ROR1: variants seen among roughly 807,000 people sequenced by gnomAD.
ROR1 encodes ROR family WNT receptor 1.
In ROR1, 19 loss-of-function variants were observed where a neutral mutation model predicts 78.8. The observed-to-expected ratio is 0.24, with a 90% confidence interval of 0.17 to 0.35. ROR1 has a LOEUF of 0.35. Ranked by LOEUF, ROR1 falls within the 10% of genes least tolerant of loss-of-function variation. ROR1 has a pLI of 1.00. For synonymous variants in ROR1, 386 were observed against 433.6 expected (o/e 0.89, Z 1.36); for missense variants, 917 against 1,177.8 (o/e 0.78, Z 3.24).
chr1:63,932,252 A>G (rs1173484526), intron 1 of ROR1, among the ~76,000 whole-genome samples: 2 of 152,116 alleles, frequency 1.3e-5, no homozygotes, highest in African/African-American at 4.8e-5. Context: ...TGCAGGGGTG[A>G]TAGATAGGAT....
intron 4 of ROR1, among the ~76,000 whole-genome samples, chr1:64,093,057 G>A (rs1569731854): frequency 6.6e-6 from 1 of 152,126 alleles, no homozygotes; most frequent in Admixed American, 6.5e-5. Context: ...TGTTGAAGCC[G>A]GGAAACCCTA....
At chr1:64,038,992 G>A (rs1299886388) in intron 2 of ROR1, among the ~76,000 whole-genome samples, 1 of 152,156 alleles carries the variant, frequency 6.6e-6, no homozygotes, top group Non-Finnish European at 1.5e-5. Context: ...TTCTTGAAAA[G>A]CAGTAGAGCA....
intron 1 of ROR1, among the ~76,000 whole-genome samples, chr1:63,980,981 A>G (rs1035166134): frequency 7.9e-5 from 12 of 151,598 alleles, no homozygotes; most frequent in African/African-American, 2.9e-4. Context: ...TGCAAGGAGC[A>G]CAGATAAGAC....
At chr1:64,140,910 C>G (rs2100711003) in intron 6 of ROR1, among the ~76,000 whole-genome samples, 1 of 152,160 alleles carries the variant, frequency 6.6e-6, no homozygotes, top group South Asian at 2.1e-4. Flanking sequence ...CCTGGATGAA[C>G]CTGGAAAACA....
chr1:64,034,922 C>G (rs1646689816), intron 2 of ROR1, among the ~76,000 whole-genome samples: 1 of 132,556 alleles, frequency 7.5e-6, no homozygotes. Context: ...AGGTAGATAC[C>G]TACCTTTCCA....
chr1:63,952,432 T>C (rs1645947839), intron 1 of ROR1, among the ~76,000 whole-genome samples: 1 of 152,084 alleles, frequency 6.6e-6, no homozygotes, highest in African/African-American at 2.4e-5. Context: ...GGAGAGAGCA[T>C]GGGACATCAG....
intron 1 of ROR1, among the ~76,000 whole-genome samples, chr1:63,841,404 T>A (rs1210829317): frequency 6.6e-6 from 1 of 152,232 alleles, no homozygotes; most frequent in East Asian, 1.9e-4. Context: ...TTTTTTGTTA[T>A]GTTGAATGAA....
chr1:64,178,399 T>A lies in ROR1; in HGVS notation c.2358T>A (p.Tyr786Ter). 6.2e-7 allele frequency: 1 copy of A among 1,614,086 alleles called. No homozygotes were observed. Among genetic ancestry groups the A allele is most frequent in the African/African-American group, 1.3e-5 (1 of 75,002 alleles). The change falls in exon 9 of 9, where the codon TAT (tyrosine) becomes TAA (stop). Residue 786 changes from tyrosine (Y) to a stop codon, truncating the protein, a stop_gained. Coordinates refer to ENST00000371079, the MANE Select transcript of ROR1 (RefSeq NM_005012.4). LOFTEE classifies it high-confidence loss of function. The surrounding 1 kb of genome is among the most constrained non-coding windows in gnomAD (Gnocchi z 4.3). ...TGAGTAATCTCAGTAACCCCAGATA[T>A]CCTAATTACATGTTCCCGAGCCAGG... ...SPVSNLSNPRYPNYMFPSQGI... is the reference protein window; with the variant it reads ...SPVSNLSNPR
chr1:63,925,162 C>G (rs1482775194), intron 1 of ROR1, among the ~76,000 whole-genome samples: 2 of 145,914 alleles, frequency 1.4e-5, no homozygotes, highest in Non-Finnish European at 3.0e-5. Flanking sequence ...ATCCCTCCCC[C>G]TTCCCCCCAC....
intron 1 of ROR1, among the ~76,000 whole-genome samples, chr1:63,963,217 G>A (rs1234793792): frequency 6.6e-6 from 1 of 152,106 alleles, no homozygotes; most frequent in Non-Finnish European, 1.5e-5. Context: ...AACTTAATGT[G>A]CCATATGTGA....
At chr1:63,855,979 TCA>T (rs1196537339) in intron 1 of ROR1, among the ~76,000 whole-genome samples, 1 of 152,120 alleles carries the variant, frequency 6.6e-6, no homozygotes, top group Non-Finnish European at 1.5e-5. Flanking sequence ...TTTCATATCT[TCA>T]GTGTCTCCAC....
At chr1:63,817,791 C>T (rs1021117786) in intron 1 of ROR1, among the ~76,000 whole-genome samples, 1 of 152,138 alleles carries the variant, frequency 6.6e-6, no homozygotes, top group Non-Finnish European at 1.5e-5. Context: ...GCTCTAGACT[C>T]TGGGAGAGTT....
intron 1 of ROR1, among the ~76,000 whole-genome samples, chr1:63,965,242 C>T (rs898414835): frequency 2.6e-5 from 4 of 152,106 alleles, no homozygotes; most frequent in African/African-American, 9.7e-5. Flanking sequence ...GACTCCAAAG[C>T]TCCACACTAA....
In ROR1 at chr1:63,774,368, C is replaced by G. The variant is rs1287329423; in HGVS notation, c.-50C>G. 4.1e-6 allele frequency: 5 copies of G among 1,205,680 alleles called. No individual in the cohort carries two copies. 74.7% of individuals were successfully genotyped at this position (1,205,680 alleles called of 1,614,324 possible). Reference sequence around the variant, plus strand: ...AGCCCGGGAAGAGCCCGTGGATGTTCTGCGCGCGGCCTGGGAGCCGCCGCC... The same window carrying G: ...AGCCCGGGAAGAGCCCGTGGATGTTGTGCGCGCGGCCTGGGAGCCGCCGCC... On this transcript the variant is annotated 5_prime_UTR_variant, in exon 1 of 9. Transcript: ENST00000371079. This position sits in a 1 kb window ranked among gnomAD's most constrained non-coding sequence, Gnocchi z 5.7.
intron 4 of ROR1, among the ~76,000 whole-genome samples, chr1:64,131,265 G>A (rs12070143): frequency 0.011 from 1,666 of 152,162 alleles, 38 homozygotes; most frequent in African/African-American, 0.039. Flanking sequence ...AAATTCAGAG[G>A]TCAGAGGTGT....
intron 1 of ROR1, among the ~76,000 whole-genome samples, chr1:63,840,846 T>C (rs1269172535): frequency 1.3e-5 from 2 of 152,200 alleles, no homozygotes; most frequent in Non-Finnish European, 2.9e-5. Flanking sequence ...TTTTCTCATC[T>C]AGAAAATGGG....
chr1:64,133,301 G>A, intron 4 of ROR1, among the ~76,000 whole-genome samples: 1 of 152,168 alleles, frequency 6.6e-6, no homozygotes, highest in East Asian at 1.9e-4. Context: ...TTGTAGGCTT[G>A]TCTGGCAGGG....
chr1:64,114,153 C>T (rs1648226023), intron 4 of ROR1, among the ~76,000 whole-genome samples: 1 of 152,044 alleles, frequency 6.6e-6, no homozygotes, highest in African/African-American at 2.4e-5. Context: ...GTAGAAAGCC[C>T]AAGCTGATGA....
chr1:64,123,920 A>G (rs1648628248), intron 4 of ROR1, among the ~76,000 whole-genome samples: 1 of 152,190 alleles, frequency 6.6e-6, no homozygotes, highest in Non-Finnish European at 1.5e-5. Context: ...ATAAGGATCT[A>G]TCTACAAGGA....
Sources: allele counts gnomAD v4.1 joint callset (sites outside exome capture counted in the v4.1 genomes callset), GRCh38; gene constraint gnomAD v4.1.1; non-coding constraint Gnocchi (gnomAD v3.1); transcripts MANE v1.5; gene names NCBI Gene and HGNC (gene_info 2026-07-23, HGNC 2026-07-21).